Variants in REV3L observed in about 807,000 individuals in gnomAD.
REV3L encodes the protein DNA polymerase zeta catalytic subunit.
In REV3L, 69 loss-of-function variants were observed where a neutral mutation model predicts 299.4. The observed-to-expected ratio is 0.23, with a 90% CI of 0.19 to 0.28. The LOEUF (loss-of-function observed/expected upper bound fraction) is 0.28, where lower values mean the gene tolerates loss of function less well. REV3L is among the 10% of genes least tolerant of loss of function. The probability of loss-of-function intolerance (pLI) is 1.00; values close to 1 mark genes in which losing one functional copy is unlikely to be tolerated. For synonymous variants in REV3L, 1,238 were observed against 1,271.4 expected (o/e 0.97, Z 0.56); for missense variants, 3,128 against 3,693.8 (o/e 0.85, Z 3.97).
chr6:111,384,396 A>G (rs1260948900), intron 9 of REV3L, among the ~76,000 whole-genome samples: 1 of 152,092 alleles, frequency 6.6e-6, no homozygotes, highest in Non-Finnish European at 1.5e-5. Context: ...ATATAACTCA[A>G]TAGTAAAAAA....
At chr6:111,425,656 T>C (rs1394315173) in intron 1 of REV3L, among the ~76,000 whole-genome samples, 1 of 152,042 alleles carries the variant, frequency 6.6e-6, no homozygotes, top group African/African-American at 2.4e-5. Flanking sequence ...GCACCATATA[T>C]ATATATATAT....
At chr6:111,451,607 TA>T (rs1328321550) in intron 1 of REV3L, among the ~76,000 whole-genome samples, 1 of 152,094 alleles carries the variant, frequency 6.6e-6, no homozygotes, top group East Asian at 1.9e-4. Context: ...TGCCTATATT[TA>T]AAGCAAATTT....
Position 111,329,705 on chromosome 6 carries a change from G to A in REV3L, c.8068C>T (p.Leu2690Phe). Reference protein sequence around the residue: ...SVRKGVLPRMLEEILKTRFMV... With the variant: ...SVRKGVLPRMFEEILKTRFMV... Reference sequence around the variant, plus strand: ...AATCTAGTCTTCAAAATTTCTTCAAGCATTCTTGGTAGTACACCTTTTCTT... The same window carrying A: ...AATCTAGTCTTCAAAATTTCTTCAAACATTCTTGGTAGTACACCTTTTCTT... The change falls in exon 25 of 32, where the codon CTT (leucine) becomes TTT (phenylalanine). Residue 2690 changes from leucine to phenylalanine, a missense_variant. Leu to Phe is a conservative substitution (Grantham distance 22, BLOSUM62 0). Coordinates refer to ENST00000368802, the MANE Select transcript of REV3L (RefSeq NM_001372078.1). 1 of 1,613,452 alleles carries A rather than the reference G, an allele frequency of 6.2e-7. No homozygotes were observed. Among genetic ancestry groups the A allele is most frequent in the South Asian group, 1.1e-5 (1 of 91,076 alleles).
rs1287482487 is a variant in REV3L, at chr6:111,376,460, C to G, written c.1895G>C (p.Ser632Thr). ...TYSMKYPGSL[S>T]STVHSENSHK... ...AGAATTTTCTGAATGAACAGTACTG[C>G]TTAAAGATCCAGGGTATTTCATAGA... The change falls in exon 13 of 32, where the codon AGC becomes ACC. Residue 632 changes from serine (S) to threonine (T), a missense_variant. This residue lies in a region of REV3L where 2,409 missense variants were observed against 2,611.8 expected (regional missense o/e 0.92). Coordinates refer to ENST00000368802, the MANE Select transcript of REV3L (RefSeq NM_001372078.1). 6.2e-7 allele frequency: 1 copy of G among 1,613,670 alleles called. No homozygotes were observed. The highest frequency in any genetic ancestry group is 2.2e-5 in the East Asian group (1 of 44,838).
intron 9 of REV3L, among the ~76,000 whole-genome samples, chr6:111,383,019 G>A (rs1582782360): frequency 1.3e-5 from 2 of 152,290 alleles, no homozygotes; most frequent in East Asian, 3.9e-4. Context: ...CTGCCTTGAA[G>A]AGAAGGACTC....
At chr6:111,325,938 G>A (rs1774741022) in intron 25 of REV3L, among the ~76,000 whole-genome samples, 1 of 151,992 alleles carries the variant, frequency 6.6e-6, no homozygotes, top group Non-Finnish European at 1.5e-5. Flanking sequence ...CCACCTCATT[G>A]CCTCTGGCAA....
chr6:111,482,909 C>T lies in REV3L; in HGVS notation c.-21G>A. 6.6e-7 allele frequency: 1 copy of T among 1,507,866 alleles called. No homozygotes were observed. The highest frequency in any genetic ancestry group is 1.3e-5 in the South Asian group (1 of 75,392). 93.4% of individuals were successfully genotyped at this position (1,507,866 alleles called of 1,614,324 possible). On this transcript the variant is annotated 5_prime_UTR_variant, in exon 1 of 32. Coordinates refer to ENST00000368802, the MANE Select transcript of REV3L (RefSeq NM_001372078.1). The stretch of plus-strand genomic sequence containing the variant: ...AACATGTTCGCCGCCGCCGCCACTG[C>T]CTCCCTTCACTGGCGACCCGGCAGC...
intron 1 of REV3L, among the ~76,000 whole-genome samples, chr6:111,482,277 G>C (rs899273240): frequency 4.6e-5 from 7 of 152,222 alleles, no homozygotes; most frequent in Non-Finnish European, 1.0e-4. Context: ...AGACCATGGG[G>C]AGCGACTGAC....
At chr6:111,328,531 A>C (rs562394459) in intron 25 of REV3L, among the ~76,000 whole-genome samples, 1 of 152,350 alleles carries the variant, frequency 6.6e-6, no homozygotes, top group South Asian at 2.1e-4. Context: ...ATGCTAATAG[A>C]AAGTTACAGT....
chr6:111,301,664 T>A (rs190940184), intron 31 of REV3L, among the ~76,000 whole-genome samples: 6 of 152,290 alleles, frequency 3.9e-5, no homozygotes, highest in Admixed American at 2.6e-4. Flanking sequence ...AATCTGTACT[T>A]CTTAAGGCTT....
At chr6:111,305,424 C>CT (rs1355033349) in intron 31 of REV3L, among the ~76,000 whole-genome samples, 1 of 151,282 alleles carries the variant, frequency 6.6e-6, no homozygotes, top group Non-Finnish European at 1.5e-5. Flanking sequence ...GACCCGATGT[C>CT]TAAAAAAAAA....
At chr6:111,307,120 CTTG>C (rs1055238366) in intron 31 of REV3L, among the ~76,000 whole-genome samples, 20 of 152,092 alleles carry the variant, frequency 1.3e-4, no homozygotes, top group East Asian at 7.7e-4. Flanking sequence ...GATGGCCATT[CTTG>C]TTGTAGCTAT....
chr6:111,359,212 T>A (rs563965725), intron 16 of REV3L, among the ~76,000 whole-genome samples, 198 bp from the exon 17 acceptor site: 83 of 152,238 alleles, frequency 5.5e-4, no homozygotes, highest in African/African-American at 8.4e-4. Flanking sequence ...CAATTCATGA[T>A]GTTATTTCAG....
chr6:111,315,610 A>G (rs140376940), intron 26 of REV3L: 71 of 494,104 alleles, frequency 1.4e-4, no homozygotes, highest in African/African-American at 1.3e-3. Context: ...TAACACACAG[A>G]TCAGCTCAGA....
chr6:111,410,092 C>T (rs1784088046), intron 3 of REV3L, among the ~76,000 whole-genome samples: 1 of 152,134 alleles, frequency 6.6e-6, no homozygotes, highest in Admixed American at 6.5e-5. Flanking sequence ...GTAATCCCAG[C>T]ACTTTGGGAG....
chr6:111,413,554 T>C (rs1582896304), intron 2 of REV3L, among the ~76,000 whole-genome samples: 1 of 152,068 alleles, frequency 6.6e-6, no homozygotes, highest in Non-Finnish European at 1.5e-5. Flanking sequence ...CTAAAAAGAA[T>C]AGAGTTAAAC....
At chr6:111,304,117 T>A (rs1317118047) in intron 31 of REV3L, among the ~76,000 whole-genome samples, 1 of 150,358 alleles carries the variant, frequency 6.7e-6, no homozygotes, top group African/African-American at 2.5e-5. Flanking sequence ...ACTTATAATG[T>A]TTACAATTTC....
intron 27 of REV3L, among the ~76,000 whole-genome samples, chr6:111,314,041 TACA>T (rs982222335): frequency 2.0e-5 from 3 of 152,226 alleles, no homozygotes; most frequent in Admixed American, 6.5e-5. Context: ...CCGTTATGTT[TACA>T]ACAAGAGACT....
chr6:111,315,505 C>A, intron 26 of REV3L, 124 bp from the exon 27 acceptor site: 1 of 649,762 alleles, frequency 1.5e-6, no homozygotes, highest in Non-Finnish European at 2.7e-6. Context: ...CTCCTATTTA[C>A]TCTTTAAGAT....
Sources: gnomAD v4.1 joint callset for allele counts (sites outside exome capture counted in the v4.1 genomes callset) on GRCh38, gnomAD v4.1.1 for gene constraint, gnomAD v4.1.1 regional missense constraint, MANE v1.5 for transcripts, NCBI Gene and HGNC (gene_info 2026-07-23, HGNC 2026-07-21) for gene names.